Variants in PRLR observed in about 807,000 individuals in gnomAD.
The protein encoded by PRLR is prolactin receptor.
Under a neutral mutation model 40.2 loss-of-function variants are expected in PRLR, and 13 were observed. That is an observed-to-expected ratio of 0.32 (90% confidence interval 0.21 to 0.51). The LOEUF (loss-of-function observed/expected upper bound fraction) is 0.51, where lower values mean the gene tolerates loss of function less well. PRLR is among the 20% of genes least tolerant of loss of function. PRLR has a pLI of 0.97. For missense variants in PRLR, 656 were observed against 747.3 expected (o/e 0.88, Z 1.42); for synonymous variants, 269 against 278.7 (o/e 0.97, Z 0.35).
At chr5:35,164,086 T>C (rs935128036) in intron 1 of PRLR, among the ~76,000 whole-genome samples, 1 of 152,240 alleles carries the variant, frequency 6.6e-6, no homozygotes, top group African/African-American at 2.4e-5. Context: ...AAGCCGTCAG[T>C]CACGTCATTT....
chr5:35,138,392 T>A (rs1773920677), intron 1 of PRLR, among the ~76,000 whole-genome samples: 2 of 152,256 alleles, frequency 1.3e-5, no homozygotes, highest in African/African-American at 2.4e-5. Context: ...GTCATCATGG[T>A]AAAACCACAA....
chr5:35,125,469 TGAAAA>T (rs1381713220), intron 1 of PRLR, among the ~76,000 whole-genome samples: 1 of 152,220 alleles, frequency 6.6e-6, no homozygotes, highest in Admixed American at 6.5e-5. Flanking sequence ...CTCCGAGTGA[TGAAAA>T]GACACTGTTT....
chr5:35,208,177 G>GCACACACACACACACACACGCACA (rs1776074296), intron 1 of PRLR, among the ~76,000 whole-genome samples: 1 of 87,150 alleles, frequency 1.1e-5, no homozygotes, highest in African/African-American at 3.4e-5. Flanking sequence ...CCACGCGCGC[G>GCACACACACACACACACACGCACA]CACACACACA....
intron 1 of PRLR, among the ~76,000 whole-genome samples, chr5:35,219,896 A>G (rs16872898): frequency 0.022 from 3,376 of 152,288 alleles, 129 homozygotes; most frequent in African/African-American, 0.076. Context: ...TAGGGCAGGA[A>G]CAATCATCTT....
intron 5 of PRLR, among the ~76,000 whole-genome samples, chr5:35,073,827 C>G (rs1232172018): frequency 6.6e-6 from 1 of 152,130 alleles, no homozygotes; most frequent in Non-Finnish European, 1.5e-5. Context: ...GAATGCAAAT[C>G]AAAACCACAG....
In PRLR at chr5:35,070,182, T is replaced by C; in HGVS notation, c.627A>G (p.Lys209=). The change falls in exon 7 of 10, where the codon AAA becomes AAG. Residue 209 remains lysine, a synonymous_variant. Transcript: ENST00000618457. ...ATGCACTCCAGTATCCATGGTCTGG[T>C]TTGCAGCGAACCTGGACAAGGTATT... ...GQKYLVQVRC[K]PDHGYWSAWS... is the part of the protein sequence containing the mutation. 1 of 1,614,114 alleles carries C rather than the reference T, an allele frequency of 6.2e-7. No homozygotes were observed. The highest frequency in any genetic ancestry group is 1.6e-4 in the Middle Eastern group (1 of 6,062).
intron 9 of PRLR, among the ~76,000 whole-genome samples, chr5:35,066,738 G>C: frequency 2.8e-5 from 4 of 141,492 alleles, no homozygotes; most frequent in Admixed American, 7.1e-5. Context: ...ATTTCCTCCT[G>C]CCTCCTCCTC....
At chr5:35,162,645 A>G (rs1774707112) in intron 1 of PRLR, among the ~76,000 whole-genome samples, 1 of 152,174 alleles carries the variant, frequency 6.6e-6, no homozygotes, top group South Asian at 2.1e-4. Flanking sequence ...GCGGGATCTC[A>G]GAGATAAGCT....
chr5:35,085,973 C>T (rs1472301058), intron 4 of PRLR, among the ~76,000 whole-genome samples: 1 of 151,924 alleles, frequency 6.6e-6, no homozygotes, highest in Non-Finnish European at 1.5e-5. Context: ...GCATCAGCAT[C>T]CAGTAACACT....
At chr5:35,050,806 T>A (rs1768469322), downstream of PRLR, among the ~76,000 whole-genome samples, 1 of 152,150 alleles carries the variant, frequency 6.6e-6, no homozygotes, top group Non-Finnish European at 1.5e-5. Flanking sequence ...AATTTAGGAG[T>A]TGTGAAATTG....
At chr5:35,052,466 A>C (rs558814429), downstream of PRLR, among the ~76,000 whole-genome samples, 39 of 152,280 alleles carry the variant, frequency 2.6e-4, no homozygotes, top group South Asian at 2.5e-3. Flanking sequence ...GGGTATCTGA[A>C]AAATTGTAGG....
At position 35,089,531 on chromosome 5, in the gene PRLR, C is replaced by A; in HGVS notation, c.70+20G>T. ...AAACACCCCAGGCAATGAAAGAGAG[C>A]GTGATAGCCTCTTACTTACCATTCA... On this transcript the variant is annotated intron_variant, in intron 3 of 9. Transcript: ENST00000618457. 1 of 1,549,152 alleles carries A rather than the reference C, an allele frequency of 6.5e-7. No individual in the cohort carries two copies. The highest frequency in any genetic ancestry group is 1.1e-5 in the South Asian group (1 of 89,748).
Position 35,219,601 on chromosome 5 carries a change from A to T in PRLR, c.-106+10667T>A, listed in dbSNP as rs1776367597. On this transcript the variant is annotated intron_variant, in intron 1 of 9. Coordinates refer to ENST00000618457, the MANE Select transcript of PRLR (RefSeq NM_000949.7). ...GGAAGGCCTTGGTAAACACAGCCAAAGTGTCAAAACACTCAGAAAAGAGAT... is the reference window on the plus strand; with the variant it reads ...GGAAGGCCTTGGTAAACACAGCCAATGTGTCAAAACACTCAGAAAAGAGAT... 2.0e-5 allele frequency among the ~76,000 whole-genome samples: 3 copies of T among 152,216 alleles called. No homozygotes were observed. The South Asian group carries it at 6.2e-4, about 32-fold the overall frequency.
intron 1 of PRLR, among the ~76,000 whole-genome samples, chr5:35,140,836 CCTGT>C (rs1189892217): frequency 1.3e-5 from 2 of 152,166 alleles, no homozygotes; most frequent in Non-Finnish European, 2.9e-5. Flanking sequence ...ATGCCAGTTG[CCTGT>C]CTAACATCCC....
intron 2 of PRLR, among the ~76,000 whole-genome samples, chr5:35,108,061 T>C (rs1358840669): frequency 1.3e-5 from 2 of 152,226 alleles, no homozygotes; most frequent in Non-Finnish European, 2.9e-5. Flanking sequence ...GATGCAAGGC[T>C]GGTCCAACAT....
intron 1 of PRLR, among the ~76,000 whole-genome samples, chr5:35,166,806 A>G (rs1005360690): frequency 9.9e-5 from 15 of 152,160 alleles, no homozygotes; most frequent in African/African-American, 3.1e-4. Context: ...GCAACAGCTC[A>G]TATATCAATT....
intron 2 of PRLR, among the ~76,000 whole-genome samples, chr5:35,105,540 T>C (rs573014480): frequency 1.3e-5 from 2 of 152,244 alleles, no homozygotes; most frequent in East Asian, 1.9e-4. Context: ...TTAAATGACC[T>C]GATGAAGCTG....
chr5:35,165,833 C>T (rs1039427), intron 1 of PRLR, among the ~76,000 whole-genome samples: 42,990 of 152,054 alleles, frequency 0.28, 6,205 homozygotes, highest in Middle Eastern at 0.34. Context: ...TGTTCCATGA[C>T]TATTTCAGCA....
chr5:35,173,859 T>A (rs919688385), intron 1 of PRLR, among the ~76,000 whole-genome samples: 1 of 152,194 alleles, frequency 6.6e-6, no homozygotes, highest in African/African-American at 2.4e-5. Context: ...ATACTTTAAG[T>A]TCTAGGGTAC....
Sources: allele counts gnomAD v4.1 joint callset (sites outside exome capture counted in the v4.1 genomes callset), GRCh38; gene constraint gnomAD v4.1.1; transcripts MANE v1.5; gene names NCBI Gene and HGNC (gene_info 2026-07-23, HGNC 2026-07-21).